Variants in PIK3C2G observed in about 807,000 individuals in gnomAD.
PIK3C2G encodes phosphatidylinositol 3-kinase C2 domain-containing subunit gamma.
In PIK3C2G, 168 loss-of-function variants were observed where a neutral mutation model predicts 181.1. That is an observed-to-expected ratio of 0.93 (90% confidence interval 0.82 to 1.05). PIK3C2G has a LOEUF of 1.05. PIK3C2G is among the 50% of genes least tolerant of loss of function. The pLI is 0.00. For synonymous variants in PIK3C2G, 573 were observed against 592.2 expected (o/e 0.97, Z 0.47); for missense variants, 1,869 against 1,732.8 (o/e 1.08, Z -1.40).
At chr12:18,447,291 G>A (rs7296192) in intron 18 of PIK3C2G, among the ~76,000 whole-genome samples, 21,861 of 152,080 alleles carry the variant, frequency 0.14, 1,772 homozygotes, top group African/African-American at 0.21. Context: ...TGAATGGCAG[G>A]AACACTACAA....
In PIK3C2G at chr12:18,627,596, C is replaced by T. The variant is rs562882377; in HGVS notation, c.4183-12833C>T. Among the ~76,000 whole-genome samples, 16 of 152,184 alleles carry T rather than the reference C, an allele frequency of 1.1e-4. No individual in the cohort carries two copies. In the East Asian group the frequency reaches 3.1e-3, roughly 29 times the overall value. On this transcript the variant is annotated intron_variant, in intron 31 of 32. Transcript: ENST00000538779. ...TAAGTAGGTGACCTCCTATTCTGCC[C>T]CATCTTGCTGACATCACTCCTCAGC...
intron 13 of PIK3C2G, among the ~76,000 whole-genome samples, 169 bp downstream of exon 13, chr12:18,371,480 G>T (rs1320133974): frequency 6.6e-6 from 1 of 152,146 alleles, no homozygotes; most frequent in African/African-American, 2.4e-5. Context: ...AAGTGAAATT[G>T]TAGAAATGGC....
the PIK3C2G span, among the ~76,000 whole-genome samples, chr12:18,713,287 A>G: frequency 1.3e-5 from 2 of 152,118 alleles, no homozygotes; most frequent in African/African-American, 4.8e-5. Flanking sequence ...CCTGCTCCAT[A>G]GTTGTAGCTC....
chr12:18,497,836 G>T (rs986964240), intron 22 of PIK3C2G, 88 bp downstream of exon 22: 1 of 971,622 alleles, frequency 1.0e-6, no homozygotes, highest in Non-Finnish European at 1.4e-6. Flanking sequence ...TCCAGCTTTC[G>T]TTTTAAACTA....
At chr12:18,571,051 C>T (rs1224755590) in intron 29 of PIK3C2G, among the ~76,000 whole-genome samples, 1 of 149,448 alleles carries the variant, frequency 6.7e-6, no homozygotes, top group Non-Finnish European at 1.5e-5. Context: ...TTTGATTGCA[C>T]CCCACAAATC....
At chr12:18,631,508 T>A (rs951243118) in intron 31 of PIK3C2G, among the ~76,000 whole-genome samples, 16 of 152,148 alleles carry the variant, frequency 1.1e-4, no homozygotes, top group African/African-American at 3.6e-4. Flanking sequence ...CAATGGGGAA[T>A]CCTCGAATGT....
rs932700150 is a variant in PIK3C2G, at chr12:18,598,142, C to A, written c.4087+3573C>A. Among the ~76,000 whole-genome samples the A allele has an allele frequency of 6.1e-3, 922 of 150,474 alleles. 3 individuals are homozygous for A. Among genetic ancestry groups the A allele is most frequent in the Middle Eastern group, 0.01 (3 of 292 alleles). Reference sequence around the variant, plus strand: ...ATGACTTTCTTCACAGAATTGGAAACAACTACTTTAAAGTTCATATGGAAC... The same window carrying A: ...ATGACTTTCTTCACAGAATTGGAAAAAACTACTTTAAAGTTCATATGGAAC... On this transcript the variant is annotated intron_variant, in intron 30 of 32. Coordinates refer to ENST00000538779, the MANE Select transcript of PIK3C2G (RefSeq NM_001288772.2).
chr12:18,417,117 G>A (rs919731157), intron 16 of PIK3C2G, among the ~76,000 whole-genome samples: 2 of 152,150 alleles, frequency 1.3e-5, no homozygotes, highest in Non-Finnish European at 2.9e-5. Context: ...TTCAGTGGAG[G>A]AAGGAACTGT....
Position 18,580,983 on chromosome 12 carries a change from C to T in PIK3C2G, c.4012-13511C>T, listed in dbSNP as rs1008983775. 2.6e-5 allele frequency among the ~76,000 whole-genome samples: 4 copies of T among 152,140 alleles called. No homozygotes were observed. The South Asian group carries it at 8.3e-4, about 32-fold the overall frequency. Reference sequence around the variant, plus strand: ...GTTTTTAGAGAAAGAAAAAATTGATCTTGCTGTTATATTACATTACTTCTG... The same window carrying T: ...GTTTTTAGAGAAAGAAAAAATTGATTTTGCTGTTATATTACATTACTTCTG... On this transcript the variant is annotated intron_variant, in intron 29 of 32. Coordinates refer to ENST00000538779, the MANE Select transcript of PIK3C2G (RefSeq NM_001288772.2).
chr12:18,301,675 T>C (rs1950181845), intron 5 of PIK3C2G, among the ~76,000 whole-genome samples: 1 of 152,170 alleles, frequency 6.6e-6, no homozygotes, highest in Admixed American at 6.5e-5. Context: ...GTTTTTTTCA[T>C]ATCATTATTT....
chr12:18,594,475 GT>G lies in PIK3C2G; in HGVS notation c.4012-16del. 6.9e-7 allele frequency: 1 copy of G among 1,455,330 alleles called. No homozygotes were observed. The highest frequency in any genetic ancestry group is 9.3e-7 in the Non-Finnish European group (1 of 1,074,550). The allele number at this position is 1,455,330 out of a possible 1,614,324, so 90.2% of individuals were successfully genotyped here. ...AATATAAGAAATAAAGAAATATTAT[GT>G]TTCATTTTGTTTTTCAGAGTGATTG... On this transcript the variant is annotated intron_variant, in intron 29 of 32. Transcript: ENST00000538779.
intron 22 of PIK3C2G, among the ~76,000 whole-genome samples, chr12:18,501,881 G>A (rs1312125315): frequency 6.6e-6 from 1 of 152,098 alleles, no homozygotes; most frequent in East Asian, 1.9e-4. Context: ...CCTAATTTTG[G>A]GCATGGTCAA....
chr12:18,612,388 C>G (rs1264873419), intron 31 of PIK3C2G, among the ~76,000 whole-genome samples: 2 of 152,078 alleles, frequency 1.3e-5, no homozygotes, highest in African/African-American at 4.8e-5. Context: ...TACTTTCTTT[C>G]CTCCCCTGTG....
chr12:18,611,044 G>T (rs1218226268), intron 31 of PIK3C2G, among the ~76,000 whole-genome samples: 1 of 151,998 alleles, frequency 6.6e-6, no homozygotes, highest in Non-Finnish European at 1.5e-5. Flanking sequence ...AACCAACCTA[G>T]TCATCCATTT....
intron 8 of PIK3C2G, among the ~76,000 whole-genome samples, chr12:18,336,790 C>T (rs1938583357): frequency 6.6e-6 from 1 of 152,000 alleles, no homozygotes; most frequent in Non-Finnish European, 1.5e-5. Context: ...TTTTGGAATC[C>T]TCACTTTGTC....
intron 18 of PIK3C2G, among the ~76,000 whole-genome samples, chr12:18,485,824 G>C (rs1939967602): frequency 6.6e-6 from 1 of 152,030 alleles, no homozygotes; most frequent in Admixed American, 6.6e-5. Context: ...CCTCTCCCAG[G>C]TTACGGCATC....
At chr12:18,289,534 T>C (rs1385562292) in intron 3 of PIK3C2G, among the ~76,000 whole-genome samples, 1 of 152,042 alleles carries the variant, frequency 6.6e-6, no homozygotes, top group Non-Finnish European at 1.5e-5. Flanking sequence ...CAATGAAGAG[T>C]GGCCCATGTC....
chr12:18,446,771 T>C (rs988019779), intron 18 of PIK3C2G, among the ~76,000 whole-genome samples: 2 of 152,202 alleles, frequency 1.3e-5, no homozygotes, highest in African/African-American at 4.8e-5. Context: ...CAAGAGAATA[T>C]GTATGTCAAA....
At chr12:18,658,492 G>C in the PIK3C2G span, among the ~76,000 whole-genome samples, 1 of 152,092 alleles carries the variant, frequency 6.6e-6, no homozygotes, top group African/African-American at 2.4e-5. Flanking sequence ...ATGGCTGATT[G>C]TTACCACAGA....
Sources: gnomAD v4.1 joint callset for allele counts (sites outside exome capture counted in the v4.1 genomes callset) on GRCh38, gnomAD v4.1.1 for gene constraint, MANE v1.5 for transcripts, NCBI Gene and HGNC (gene_info 2026-07-23, HGNC 2026-07-21) for gene names.